The following SCARA3 variants were observed in gnomAD, a reference collection of about 807,000 sequenced individuals.
SCARA3 encodes cellular stress response gene protein.
Under a neutral mutation model 47.0 loss-of-function variants are expected in SCARA3, and 39 were observed. The ratio of observed to expected loss-of-function variants is 0.83; its 90% CI spans 0.64 to 1.08. The LOEUF (loss-of-function observed/expected upper bound fraction) is 1.08. Among genes scored for constraint, SCARA3 ranks in the 50% least tolerant of loss-of-function variants. The pLI is 0.00. For missense variants in SCARA3, 724 were observed against 792.3 expected (o/e 0.91, Z 1.04); for synonymous variants, 356 against 334.1 (o/e 1.07, Z -0.71).
the SCARA3 span, among the ~76,000 whole-genome samples, chr8:27,682,047 ATAT>A: frequency 6.6e-6 from 1 of 152,210 alleles, no homozygotes; most frequent in South Asian, 2.1e-4. Context: ...TACTATAAAG[ATAT>A]TATAATCAAG....
the SCARA3 span, chr8:27,703,385 G>A: frequency 1.1e-4 from 16 of 148,342 alleles, no homozygotes; most frequent in Non-Finnish European, 1.5e-5. Context: ...CAACCCATCA[G>A]CAGAAAAAAG....
At chr8:27,642,276 G>A (rs1413521513) in intron 1 of SCARA3, among the ~76,000 whole-genome samples, 1 of 152,192 alleles carries the variant, frequency 6.6e-6, no homozygotes, top group East Asian at 1.9e-4. Flanking sequence ...GCAATAAATG[G>A]CAGCATTAAT....
At chr8:27,705,576 C>T in the SCARA3 span, among the ~76,000 whole-genome samples, 4 of 152,230 alleles carry the variant, frequency 2.6e-5, no homozygotes, top group African/African-American at 9.6e-5. Context: ...CCTTCCAAAC[C>T]TCACCTTTTG....
the SCARA3 span, among the ~76,000 whole-genome samples, chr8:27,730,728 A>T: frequency 6.6e-6 from 1 of 151,654 alleles, no homozygotes; most frequent in East Asian, 2.0e-4. Context: ...GGACTTAAGC[A>T]ATCTGTCCCT....
At chr8:27,688,081 A>G in the SCARA3 span, among the ~76,000 whole-genome samples, 1 of 152,210 alleles carries the variant, frequency 6.6e-6, no homozygotes, top group African/African-American at 2.4e-5. Context: ...ACCAAGAGGA[A>G]GAACATTCTG....
chr8:27,670,132 A>G (rs760636097), intron 5 of SCARA3, among the ~76,000 whole-genome samples: 7 of 152,152 alleles, frequency 4.6e-5, no homozygotes, highest in Non-Finnish European at 1.0e-4. Context: ...GACTCACAGG[A>G]GGGTCCATGG....
chr8:27,645,535 T>G (rs1368288692), intron 1 of SCARA3, among the ~76,000 whole-genome samples: 1 of 152,272 alleles, frequency 6.6e-6, no homozygotes, highest in Non-Finnish European at 1.5e-5. Flanking sequence ...GTGTTTGGAT[T>G]CTGCCTCAGA....
chr8:27,669,377 G>T (rs1179886064), intron 5 of SCARA3, among the ~76,000 whole-genome samples: 1 of 152,262 alleles, frequency 6.6e-6, no homozygotes, highest in Non-Finnish European at 1.5e-5. Context: ...AGGAGCAGAG[G>T]TAGGGTGAAG....
the SCARA3 span, among the ~76,000 whole-genome samples, chr8:27,729,804 A>T: frequency 1.3e-5 from 2 of 152,288 alleles, no homozygotes; most frequent in East Asian, 1.9e-4. Context: ...TAAAAAAATT[A>T]AAAAATTAAA....
chr8:27,690,855 T>A, the SCARA3 span, among the ~76,000 whole-genome samples: 19 of 152,134 alleles, frequency 1.2e-4, no homozygotes, highest in African/African-American at 4.3e-4. Context: ...GCTAATTTTT[T>A]AATTTTTTTT....
intron 1 of SCARA3, among the ~76,000 whole-genome samples, chr8:27,641,784 T>A (rs576818469): frequency 4.4e-4 from 67 of 152,226 alleles, no homozygotes; most frequent in Admixed American, 1.8e-3. Context: ...TGTGTAGAGA[T>A]GAGACAGTAA....
the SCARA3 span, among the ~76,000 whole-genome samples, chr8:27,686,109 A>G: frequency 1.0e-3 from 158 of 152,346 alleles, no homozygotes; most frequent in African/African-American, 3.4e-3. Context: ...AGAAAATCAT[A>G]GAAATTTGAA....
At chr8:27,729,226 G>A in the SCARA3 span, among the ~76,000 whole-genome samples, 1 of 152,146 alleles carries the variant, frequency 6.6e-6, no homozygotes, top group African/African-American at 2.4e-5. Flanking sequence ...ACCAAGTTCA[G>A]CTCTTTCAAT....
chr8:27,727,407 G>A, the SCARA3 span, among the ~76,000 whole-genome samples: 2 of 152,192 alleles, frequency 1.3e-5, no homozygotes, highest in Non-Finnish European at 2.9e-5. Flanking sequence ...GCCGAGACCA[G>A]GGTTTACTCT....
In SCARA3 at chr8:27,658,993, G is replaced by A; in HGVS notation, c.823G>A (p.Ala275Thr). The A allele has an allele frequency of 6.2e-7, 1 of 1,614,126 alleles. No individual in the cohort carries two copies. The highest frequency in any genetic ancestry group is 1.1e-5 in the South Asian group (1 of 91,076). The change falls in exon 5 of 6, where the codon GCG becomes ACG. Residue 275 changes from alanine to threonine, a missense_variant. By Grantham distance (58) the Ala-to-Thr change is moderately conservative. Coordinates refer to ENST00000301904, the MANE Select transcript of SCARA3 (RefSeq NM_016240.3). ...LRTTSTKTGE[A>T]VKNIQATLGA... Reference sequence around the variant, plus strand: ...CACCACCTCCACCAAGACTGGAGAGGCGGTCAAGAACATCCAGGCCACCCT... The same window carrying A: ...CACCACCTCCACCAAGACTGGAGAGACGGTCAAGAACATCCAGGCCACCCT...
At chr8:27,714,149 A>G in the SCARA3 span, among the ~76,000 whole-genome samples, 3 of 150,894 alleles carry the variant, frequency 2.0e-5, no homozygotes, top group East Asian at 5.8e-4. Context: ...ACAATGAGCC[A>G]ATTAAACCTC....
At chr8:27,651,741 G>T (rs113375946) in intron 3 of SCARA3, 114 bp downstream of exon 3, 7 of 1,389,294 alleles carry the variant, frequency 5.0e-6, no homozygotes, top group African/African-American at 2.9e-5. Context: ...AGGGCCCAGA[G>T]CCAGCATCTT....
Position 27,658,761 on chromosome 8 carries a change from C to A in SCARA3, c.591C>A (p.Ala197=). Residue 197 remains alanine (A), a synonymous_variant, in exon 5 of 6, where the codon GCC becomes GCA. Transcript: ENST00000301904. The part of the protein sequence containing the change: ...LFLAQVRGWQ[A]TTAGLDLSLK... Reference sequence around the variant, plus strand: ...TGGCCCAGGTGAGAGGCTGGCAGGCCACCACAGCTGGCCTGGACCTCTCTC... The same window carrying A: ...TGGCCCAGGTGAGAGGCTGGCAGGCAACCACAGCTGGCCTGGACCTCTCTC... 1 of 1,614,076 alleles carries A rather than the reference C, an allele frequency of 6.2e-7. No individual in the cohort carries two copies. Among genetic ancestry groups the A allele is most frequent in the Non-Finnish European group, 8.5e-7 (1 of 1,179,968 alleles).
the SCARA3 span, among the ~76,000 whole-genome samples, chr8:27,725,324 G>T: frequency 4.0e-5 from 6 of 151,706 alleles, no homozygotes; most frequent in African/African-American, 1.5e-4. Context: ...TTTGAGGAAG[G>T]ATGGGTGAGT....
Sources: allele counts gnomAD v4.1 joint callset (sites outside exome capture counted in the v4.1 genomes callset), GRCh38; gene constraint gnomAD v4.1.1; transcripts MANE v1.5; gene names NCBI Gene and HGNC (gene_info 2026-07-23, HGNC 2026-07-21).